The following PCDH7 variants were observed in gnomAD, a reference collection of about 807,000 sequenced individuals.
The protein encoded by PCDH7 is protocadherin 7.
PCDH7 carries 17 observed loss-of-function variants against 58.9 expected under a neutral mutation model. The ratio of observed to expected loss-of-function variants is 0.29; its 90% CI spans 0.20 to 0.43. The LOEUF (loss-of-function observed/expected upper bound fraction) is 0.43, where lower values mean the gene tolerates loss of function less well. Among genes scored for constraint, PCDH7 ranks in the 20% least tolerant of loss-of-function variants. The pLI is 1.00. For missense variants in PCDH7, 1,274 were observed against 1,441.0 expected, an observed-to-expected ratio of 0.88 and a Z score of 1.88; for synonymous variants, 664 against 616.4, an observed-to-expected ratio of 1.08 and a Z score of -1.14.
At chr4:30,877,692 C>A (rs1355044849) in intron 1 of PCDH7, among the ~76,000 whole-genome samples, 3 of 152,086 alleles carry the variant, frequency 2.0e-5, no homozygotes, top group Non-Finnish European at 4.4e-5. Context: ...CCTAAAATTT[C>A]ATTCTTATTT....
At chr4:31,046,486 T>C (rs182576345) in intron 3 of PCDH7, among the ~76,000 whole-genome samples, 1 of 152,094 alleles carries the variant, frequency 6.6e-6, no homozygotes, top group Non-Finnish European at 1.5e-5. Flanking sequence ...TTGCCATGAC[T>C]CAAATAATCA....
intron 1 of PCDH7, among the ~76,000 whole-genome samples, chr4:30,817,242 T>C (rs1471004302): frequency 6.6e-6 from 1 of 152,212 alleles, no homozygotes; most frequent in Non-Finnish European, 1.5e-5. Flanking sequence ...GCTTAGATTT[T>C]TCTTTTCCAT....
chr4:30,894,463 GAAAAAAAA>G (rs750545292), intron 1 of PCDH7, among the ~76,000 whole-genome samples: 20 of 13,034 alleles, frequency 1.5e-3, no homozygotes, highest in African/African-American at 4.1e-3. Context: ...TTTCATTCAG[GAAAAAAAA>G]AAAAAAAAAA....
At position 30,723,403 on chromosome 4, in the gene PCDH7, G is replaced by A. The variant is rs1414828521; in HGVS notation, c.1981G>A (p.Val661Ile). 6.2e-7 allele frequency: 1 copy of A among 1,614,214 alleles called. No homozygotes were observed. Among genetic ancestry groups the A allele is most frequent in the South Asian group, 1.1e-5 (1 of 91,082 alleles). ...GCAGCCCAACAGCCCTGTGGGGATG[G>A]TCACCGTGATGGATGCTGACAAGGG... The change falls in exon 1 of 2, where the codon GTC (valine) becomes ATC (isoleucine). Residue 661 changes from valine to isoleucine, a missense_variant. By Grantham distance (29) the Val-to-Ile change is conservative. Around this residue, in one of 3 missense-constraint regions of PCDH7, gnomAD observed 731 missense variants for 881.9 expected, o/e 0.83. Transcript: ENST00000361762. The surrounding 1 kb of genome is among the most constrained non-coding windows in gnomAD (Gnocchi z 4.6).
chr4:30,828,528 C>T (rs1729372341), intron 1 of PCDH7, among the ~76,000 whole-genome samples: 1 of 151,556 alleles, frequency 6.6e-6, no homozygotes, highest in Non-Finnish European at 1.5e-5. Context: ...CATGAGAATG[C>T]ATGTGTTCAT....
intron 3 of PCDH7, among the ~76,000 whole-genome samples, chr4:31,051,692 C>T (rs560159801): frequency 6.6e-6 from 1 of 151,850 alleles, no homozygotes; most frequent in Non-Finnish European, 1.5e-5. Context: ...AGCAGCAGAC[C>T]TTAAACCTTT....
intron 3 of PCDH7, among the ~76,000 whole-genome samples, chr4:31,039,748 A>G (rs1369720005): frequency 1.3e-5 from 2 of 152,202 alleles, no homozygotes; most frequent in Non-Finnish European, 2.9e-5. Context: ...TTGCTGGTGT[A>G]TGTATGTATA....
chr4:31,120,441 C>CTTTTTTTTTTTTTTTTTT (rs138878762), intron 3 of PCDH7, among the ~76,000 whole-genome samples: 1 of 107,998 alleles, frequency 9.3e-6, no homozygotes, highest in Admixed American at 9.5e-5. Context: ...CTATTTTTTT[C>CTTTTTTTTTTTTTTTTTT]TTTTTTTTTT....
chr4:30,927,972 C>CT (rs71190475), intron 2 of PCDH7, among the ~76,000 whole-genome samples: 40 of 152,112 alleles, frequency 2.6e-4, no homozygotes, highest in Non-Finnish European at 4.9e-4. Context: ...GTTTAGTAGT[C>CT]TTTTTTTTAT....
At chr4:30,797,283 G>GT (rs1240568110) in intron 1 of PCDH7, among the ~76,000 whole-genome samples, 2 of 150,382 alleles carry the variant, frequency 1.3e-5, no homozygotes, top group African/African-American at 4.9e-5. Context: ...GTTTGGTTTG[G>GT]TTTTTTTGAG....
intron 1 of PCDH7, among the ~76,000 whole-genome samples, chr4:30,872,459 A>C (rs1017959343): frequency 6.6e-6 from 1 of 152,062 alleles, no homozygotes; most frequent in Non-Finnish European, 1.5e-5. Context: ...ATTTTATTGA[A>C]TTTGACCTGT....
intron 1 of PCDH7, among the ~76,000 whole-genome samples, chr4:30,796,373 C>G (rs1180993350): frequency 2.0e-5 from 3 of 152,150 alleles, no homozygotes; most frequent in African/African-American, 7.2e-5. Context: ...TATTAGCAGT[C>G]ATTCCACTTA....
chr4:30,843,276 A>C (rs1432551956), intron 1 of PCDH7, among the ~76,000 whole-genome samples: 1 of 152,062 alleles, frequency 6.6e-6, no homozygotes, highest in South Asian at 2.1e-4. Flanking sequence ...ATCTGGGCTC[A>C]TTGTAATCTC....
chr4:30,779,003 G>GT (rs386399674), intron 1 of PCDH7, among the ~76,000 whole-genome samples: 3,343 of 72,970 alleles, frequency 0.046, 647 homozygotes, highest in African/African-American at 0.094. Context: ...TCCTTACTCC[G>GT]TTTTTTTTTT....
intron 1 of PCDH7, chr4:30,730,712 T>A: frequency 1.5e-6 from 2 of 1,331,550 alleles, no homozygotes; most frequent in Non-Finnish European, 2.1e-6. Context: ...TCTTTATCGA[T>A]TTTTTTTTAC....
intron 3 of PCDH7, among the ~76,000 whole-genome samples, 191 bp from the exon 3 acceptor site, chr4:31,142,282 C>T (rs2109349328): frequency 6.6e-6 from 1 of 152,160 alleles, no homozygotes; most frequent in East Asian, 1.9e-4. Context: ...TATTGGATGT[C>T]CTTGCAAAAC....
At chr4:30,765,821 T>G (rs1720670292) in intron 1 of PCDH7, among the ~76,000 whole-genome samples, 1 of 152,140 alleles carries the variant, frequency 6.6e-6, no homozygotes, top group Non-Finnish European at 1.5e-5. Flanking sequence ...GAGGCAATAA[T>G]GACTTTGGAT....
chr4:30,876,816 C>T (rs1736344413), intron 1 of PCDH7, among the ~76,000 whole-genome samples: 1 of 151,876 alleles, frequency 6.6e-6, no homozygotes, highest in Non-Finnish European at 1.5e-5. Flanking sequence ...TATACATGTG[C>T]CATGGTGGTT....
intron 1 of PCDH7, among the ~76,000 whole-genome samples, chr4:30,788,084 G>A (rs988789191): frequency 1.6e-4 from 25 of 152,008 alleles, no homozygotes; most frequent in African/African-American, 5.8e-4. Context: ...TCCTCCTTCA[G>A]GCTGTCTCAC....
Sources: gnomAD v4.1 joint callset for allele counts (sites outside exome capture counted in the v4.1 genomes callset) on GRCh38, gnomAD v4.1.1 for gene constraint, gnomAD v4.1.1 regional missense constraint, Gnocchi (gnomAD v3.1) non-coding constraint, MANE v1.5 for transcripts, NCBI Gene and HGNC (gene_info 2026-07-23, HGNC 2026-07-21) for gene names.